EXD2: variants seen among roughly 807,000 people sequenced by gnomAD.
EXD2 encodes the protein exonuclease 3'-5' domain containing 2.
Under a neutral mutation model 62.5 loss-of-function variants are expected in EXD2, and 40 were observed. That is an observed-to-expected ratio of 0.64 (90% CI 0.50 to 0.83). The LOEUF (loss-of-function observed/expected upper bound fraction) is 0.83, where lower values mean the gene tolerates loss of function less well. EXD2 is among the 40% of genes least tolerant of loss of function. The pLI is 0.00. For synonymous variants in EXD2, 239 were observed against 291.9 expected (o/e 0.82, Z 1.85); for missense variants, 671 against 761.8 (o/e 0.88, Z 1.40).
chr14:69,219,662 T>C (rs2043103321), intron 3 of EXD2, among the ~76,000 whole-genome samples: 1 of 152,248 alleles, frequency 6.6e-6, no homozygotes, highest in African/African-American at 2.4e-5. Flanking sequence ...TTCTGGTACA[T>C]GGAAAAATGC....
At chr14:69,199,201 G>A (rs1284256684) in intron 1 of EXD2, among the ~76,000 whole-genome samples, 1 of 152,346 alleles carries the variant, frequency 6.6e-6, no homozygotes, top group South Asian at 2.1e-4. Flanking sequence ...CCGAGATCAC[G>A]CCACTGCACA....
chr14:69,222,653 A>G (rs1196748117), intron 3 of EXD2, among the ~76,000 whole-genome samples: 3 of 152,212 alleles, frequency 2.0e-5, no homozygotes, highest in Non-Finnish European at 2.9e-5. Context: ...TGAGATGCCT[A>G]CAAGAGTCAA....
At chr14:69,205,113 A>G (rs947574234) in intron 2 of EXD2, among the ~76,000 whole-genome samples, 1 of 152,242 alleles carries the variant, frequency 6.6e-6, no homozygotes, top group Admixed American at 6.5e-5. Flanking sequence ...AGAGAATAGT[A>G]CCAAATCTGA....
chr14:69,239,760 C>G (rs1308609522), intron 9 of EXD2, among the ~76,000 whole-genome samples: 1 of 152,200 alleles, frequency 6.6e-6, no homozygotes, highest in Non-Finnish European at 1.5e-5. Context: ...TGCCACCACA[C>G]ACGGCTAATT....
Position 69,241,707 on chromosome 14 carries a change from G to A in EXD2, c.*607G>A. 1 of 397,388 alleles carries A rather than the reference G, an allele frequency of 2.5e-6. No individual in the cohort carries two copies. Among genetic ancestry groups the A allele is most frequent in the East Asian group, 3.6e-5 (1 of 28,020 alleles). 24.6% of individuals were successfully genotyped at this position (397,388 alleles called of 1,614,324 possible). The stretch of plus-strand genomic sequence containing the variant: ...GAAAAGGCTTTCCTTTACACTTCCA[G>A]GACCAAACAGCAACTTCCTGCCACA... On this transcript the variant is annotated 3_prime_UTR_variant, in exon 10 of 10. Coordinates refer to ENST00000685843, the MANE Select transcript of EXD2 (RefSeq NM_001193360.2).
intron 8 of EXD2, among the ~76,000 whole-genome samples, chr14:69,237,322 A>G (rs1456882931): frequency 6.6e-6 from 1 of 152,106 alleles, no homozygotes; most frequent in Non-Finnish European, 1.5e-5. Context: ...TTAACCTGTC[A>G]CTATGCTGGC....
intron 1 of EXD2, among the ~76,000 whole-genome samples, chr14:69,202,219 A>G (rs758451672): frequency 4.6e-5 from 7 of 151,928 alleles, no homozygotes; most frequent in Non-Finnish European, 7.4e-5. Flanking sequence ...CAAAAATACA[A>G]AATATTAGTT....
In EXD2 at chr14:69,241,227, A is replaced by G. The variant is rs979586432; in HGVS notation, c.*127A>G. The G allele has an allele frequency of 6.9e-6, 5 of 721,486 alleles. No individual in the cohort carries two copies. In the African/African-American group the frequency reaches 8.9e-5, roughly 13 times the overall value. The allele number at this position is 721,486 out of a possible 1,614,324, so 44.7% of individuals were successfully genotyped here. ...GACACAACTCAGAATACTAACCTAG[A>G]CTAATCCCAGGATGCTTCTGCTGGA... is the stretch of plus-strand genomic sequence containing the variant. On this transcript the variant is annotated 3_prime_UTR_variant, in exon 10 of 10. Coordinates refer to ENST00000685843, the MANE Select transcript of EXD2 (RefSeq NM_001193360.2).
intron 3 of EXD2, among the ~76,000 whole-genome samples, chr14:69,219,155 C>T (rs537471105): frequency 1.5e-4 from 23 of 152,272 alleles, no homozygotes; most frequent in African/African-American, 5.3e-4. Context: ...GAATATTCTT[C>T]CATTTGTTTG....
intron 9 of EXD2, among the ~76,000 whole-genome samples, chr14:69,239,933 C>T (rs1157537897): frequency 1.3e-5 from 2 of 152,188 alleles, no homozygotes; most frequent in Admixed American, 1.3e-4. Flanking sequence ...GCTAAACCTC[C>T]CCTTTCGGCC....
chr14:69,193,013 C>A (rs984495066), intron 1 of EXD2, among the ~76,000 whole-genome samples: 4 of 151,550 alleles, frequency 2.6e-5, no homozygotes, highest in African/African-American at 9.7e-5. Flanking sequence ...TTTAGGAATG[C>A]CAAACTGCCA....
chr14:69,239,794 G>C (rs542290166), intron 9 of EXD2, among the ~76,000 whole-genome samples: 55 of 152,298 alleles, frequency 3.6e-4, no homozygotes, highest in African/African-American at 1.3e-3. Flanking sequence ...TAGAGGCAGG[G>C]TTTCACCTCG....
At chr14:69,199,117 G>T (rs759012657) in intron 1 of EXD2, among the ~76,000 whole-genome samples, 10 of 152,162 alleles carry the variant, frequency 6.6e-5, no homozygotes, top group Non-Finnish European at 1.0e-4. Context: ...GGTGGCACAC[G>T]CCTGTAGCCC....
chr14:69,215,033 G>T (rs1226736985), intron 3 of EXD2, among the ~76,000 whole-genome samples: 2 of 152,076 alleles, frequency 1.3e-5, no homozygotes, highest in Non-Finnish European at 2.9e-5. Context: ...TGTAATCTCA[G>T]CACTTTGGGA....
chr14:69,237,464 C>A, intron 8 of EXD2, 111 bp from the exon 9 acceptor site: 2 of 926,848 alleles, frequency 2.2e-6, no homozygotes, highest in Non-Finnish European at 3.5e-6. Context: ...GTGCCCAAGG[C>A]TTCTCAGTCA....
chr14:69,241,542 G>T lies in EXD2; in HGVS notation c.*442G>T. The T allele has an allele frequency of 3.6e-6, 1 of 275,648 alleles. No individual in the cohort carries two copies. Among genetic ancestry groups the T allele is most frequent in the East Asian group, 6.8e-5 (1 of 14,788 alleles). 17.1% of individuals were successfully genotyped at this position (275,648 alleles called of 1,614,324 possible). On this transcript the variant is annotated 3_prime_UTR_variant, in exon 10 of 10. Transcript: ENST00000685843. ...GAGGGGAGAAAAAGTTCTTCCAAAG[G>T]CTGGAGAAGTGAACAAGGAGTCAAA...
intron 4 of EXD2, 71 bp from the exon 5 acceptor site, chr14:69,230,401 A>T (rs1237872407): frequency 3.0e-6 from 3 of 993,800 alleles, no homozygotes; most frequent in African/African-American, 3.2e-5. Flanking sequence ...GGCCATTTAT[A>T]TGTCTTTTTT....
In EXD2 at chr14:69,235,923, G is replaced by A. The variant is rs1409271811; in HGVS notation, c.1050-123G>A. On this transcript the variant is annotated intron_variant, in intron 6 of 9. Coordinates refer to ENST00000685843, the MANE Select transcript of EXD2 (RefSeq NM_001193360.2). ...TTTCTCACTCTGTTTTTTCCATAGT[G>A]GTGTGTTTGACCTTAGTGTTGAGAA... 9 of 777,236 alleles carry A rather than the reference G, an allele frequency of 1.2e-5. No individual in the cohort carries two copies. In the East Asian group the frequency reaches 1.5e-4, roughly 13 times the overall value. 48.1% of individuals were successfully genotyped at this position (777,236 alleles called of 1,614,324 possible).
rs531304074 is a variant in EXD2, at chr14:69,242,674, G to A, written c.*1574G>A. ...ATTCACTGTAGTGGGTTATTATGGG[G>A]TCTCTGCCTCCTGGCTGTGTTATGC... is the stretch of plus-strand genomic sequence containing the variant. On this transcript the variant is annotated 3_prime_UTR_variant, in exon 10 of 10. Transcript: ENST00000685843. 2 of 152,316 alleles carry A rather than the reference G, an allele frequency of 1.3e-5. No individual in the cohort carries two copies. The highest frequency in any genetic ancestry group is 4.8e-5 in the African/African-American group (2 of 41,564). The allele number at this position is 152,316 out of a possible 1,614,324, so 9.4% of individuals were successfully genotyped here. A position where few individuals can be genotyped will look rare whatever the true frequency, so the allele number is the denominator to read the frequency against.
Sources: allele counts gnomAD v4.1 joint callset (sites outside exome capture counted in the v4.1 genomes callset), GRCh38; gene constraint gnomAD v4.1.1; transcripts MANE v1.5; gene names NCBI Gene and HGNC (gene_info 2026-07-23, HGNC 2026-07-21).